Variants in C1orf21 observed in about 807,000 individuals in gnomAD.
C1orf21 encodes the protein chromosome 1 open reading frame 21.
Under a neutral mutation model 18.7 loss-of-function variants are expected in C1orf21, and 3 were observed. The ratio of observed to expected loss-of-function variants is 0.16; its 90% CI spans 0.07 to 0.42. C1orf21 has a LOEUF of 0.42. C1orf21 is among the 10% of genes least tolerant of loss of function. The probability of loss-of-function intolerance (pLI) is 0.99; values close to 1 mark genes in which losing one functional copy is unlikely to be tolerated. For synonymous variants in C1orf21, 41 were observed against 46.4 expected (o/e 0.88, Z 0.47); for missense variants, 104 against 143.6 (o/e 0.72, Z 1.41).
intron 1 of C1orf21, among the ~76,000 whole-genome samples, chr1:184,395,223 T>C (rs962908238): frequency 3.3e-5 from 5 of 152,150 alleles, no homozygotes; most frequent in African/African-American, 1.2e-4. Flanking sequence ...ATGTAAACCC[T>C]TCTATTGTGC....
intron 2 of C1orf21, among the ~76,000 whole-genome samples, chr1:184,495,077 G>A (rs1331691944): frequency 6.6e-6 from 1 of 152,168 alleles, no homozygotes; most frequent in Non-Finnish European, 1.5e-5. Flanking sequence ...TTCAACCTGA[G>A]AGTGAAGGGG....
chr1:184,415,591 A>AT (rs1377953662), intron 1 of C1orf21, among the ~76,000 whole-genome samples: 1 of 152,162 alleles, frequency 6.6e-6, no homozygotes, highest in African/African-American at 2.4e-5. Context: ...AATTTAGTAG[A>AT]TTTTGAAAAG....
At chr1:184,541,271 G>A (rs1306194871) in intron 3 of C1orf21, among the ~76,000 whole-genome samples, 1 of 152,152 alleles carries the variant, frequency 6.6e-6, no homozygotes, top group Non-Finnish European at 1.5e-5. Flanking sequence ...TTCACACACA[G>A]CCAGTGTGTT....
intron 3 of C1orf21, among the ~76,000 whole-genome samples, chr1:184,536,593 G>A (rs186111981): frequency 2.0e-5 from 3 of 152,340 alleles, no homozygotes; most frequent in Non-Finnish European, 4.4e-5. Flanking sequence ...GTGTGTGTTA[G>A]GGAGGGGTAG....
chr1:184,579,390 T>G (rs1260948887), intron 3 of C1orf21, among the ~76,000 whole-genome samples: 10 of 125,910 alleles, frequency 7.9e-5, no homozygotes, highest in Admixed American at 3.1e-4. Context: ...TTTTTTTTTT[T>G]TTTTTTTTTT....
At chr1:184,562,353 A>C (rs1284123074) in intron 3 of C1orf21, among the ~76,000 whole-genome samples, 1 of 152,236 alleles carries the variant, frequency 6.6e-6, no homozygotes, top group Non-Finnish European at 1.5e-5. Context: ...GTTATATAGC[A>C]ATATCTCTCC....
chr1:184,419,698 G>A (rs1656514904), intron 1 of C1orf21, among the ~76,000 whole-genome samples: 1 of 152,136 alleles, frequency 6.6e-6, no homozygotes, highest in African/African-American at 2.4e-5. Flanking sequence ...AATCTAACTG[G>A]GAGGGTAACA....
chr1:184,515,514 T>A (rs1008587910), intron 3 of C1orf21, among the ~76,000 whole-genome samples: 1 of 152,182 alleles, frequency 6.6e-6, no homozygotes, highest in Non-Finnish European at 1.5e-5. Flanking sequence ...GTTTTGCATA[T>A]AAATGATTTA....
intron 3 of C1orf21, among the ~76,000 whole-genome samples, chr1:184,571,548 C>G (rs1223801272): frequency 6.6e-6 from 1 of 152,206 alleles, no homozygotes; most frequent in African/African-American, 2.4e-5. Context: ...CCTGGTCCCT[C>G]TACCCCCTGT....
intron 5 of C1orf21, among the ~76,000 whole-genome samples, chr1:184,615,829 G>A (rs941933236): frequency 9.9e-5 from 15 of 152,126 alleles, no homozygotes; most frequent in African/African-American, 2.7e-4. Context: ...GTAATTGTAC[G>A]TATTTATAGG....
intron 3 of C1orf21, among the ~76,000 whole-genome samples, chr1:184,519,442 T>G (rs1284999719): frequency 6.6e-6 from 1 of 152,224 alleles, no homozygotes; most frequent in Non-Finnish European, 1.5e-5. Flanking sequence ...TTGATCCTGT[T>G]TGATCTACAT....
intron 5 of C1orf21, among the ~76,000 whole-genome samples, chr1:184,608,272 T>C (rs1659678420): frequency 6.6e-6 from 1 of 152,216 alleles, no homozygotes; most frequent in Non-Finnish European, 1.5e-5. Context: ...AAGAAGTCTA[T>C]GAAAACAGGA....
At chr1:184,500,659 G>A (rs1258814333) in intron 2 of C1orf21, among the ~76,000 whole-genome samples, 2 of 152,182 alleles carry the variant, frequency 1.3e-5, no homozygotes, top group African/African-American at 4.8e-5. Context: ...AGAAGAGAAA[G>A]GTCTTTTGAA....
intron 3 of C1orf21, among the ~76,000 whole-genome samples, chr1:184,574,956 A>G (rs1374894707): frequency 6.6e-6 from 1 of 152,236 alleles, no homozygotes; most frequent in Non-Finnish European, 1.5e-5. Context: ...TTCGAGGGCA[A>G]GTGTGAAGAA....
At chr1:184,566,035 A>G (rs1282379490) in intron 3 of C1orf21, among the ~76,000 whole-genome samples, 1 of 152,182 alleles carries the variant, frequency 6.6e-6, no homozygotes, top group Non-Finnish European at 1.5e-5. Flanking sequence ...GAGAACTTCC[A>G]ACTTTTGTTG....
At chr1:184,503,651 T>C (rs1658009951) in intron 2 of C1orf21, among the ~76,000 whole-genome samples, 1 of 152,174 alleles carries the variant, frequency 6.6e-6, no homozygotes, top group African/African-American at 2.4e-5. Flanking sequence ...TTCACTCTTC[T>C]CTGCTCTTTA....
At chr1:184,507,420 A>G (rs964418451) in intron 2 of C1orf21, among the ~76,000 whole-genome samples, 168 bp from the exon 3 acceptor site, 3 of 152,200 alleles carry the variant, frequency 2.0e-5, no homozygotes, top group Non-Finnish European at 2.9e-5. Context: ...GCTCATAAAA[A>G]GATCTAAGAT....
At chr1:184,409,585 A>G (rs1378927232) in intron 1 of C1orf21, among the ~76,000 whole-genome samples, 2 of 152,222 alleles carry the variant, frequency 1.3e-5, no homozygotes, top group Non-Finnish European at 2.9e-5. Flanking sequence ...CTCCTTATAG[A>G]ACACCAACGA....
chr1:184,494,185 A>C (rs960516231), intron 2 of C1orf21, among the ~76,000 whole-genome samples: 5 of 152,218 alleles, frequency 3.3e-5, no homozygotes, highest in African/African-American at 1.2e-4. Flanking sequence ...AACCATGAGA[A>C]TACCTGGGAA....
Sources: allele counts gnomAD v4.1 joint callset (sites outside exome capture counted in the v4.1 genomes callset), GRCh38; gene constraint gnomAD v4.1.1; transcripts MANE v1.5; gene names NCBI Gene and HGNC (gene_info 2026-07-23, HGNC 2026-07-21).